Variants in RETREG1 observed in about 807,000 individuals in gnomAD.
RETREG1 encodes the protein family with sequence similarity 134 member B.
In RETREG1, 44 loss-of-function variants were observed where a neutral mutation model predicts 54.8. The observed-to-expected ratio is 0.80, with a 90% CI of 0.63 to 1.03. RETREG1 has a LOEUF of 1.03. Among genes scored for constraint, RETREG1 ranks in the 50% least tolerant of loss-of-function variants. The pLI, the probability that RETREG1 is intolerant of heterozygous loss-of-function variation, is 0.00. For missense variants in RETREG1, 554 were observed against 605.1 expected, an observed-to-expected ratio of 0.92 and a Z score of 0.89; for synonymous variants, 217 against 238.5, an observed-to-expected ratio of 0.91 and a Z score of 0.83.
chr5:16,477,193 TAAA>T (rs142032216), intron 8 of RETREG1, among the ~76,000 whole-genome samples: 2 of 152,134 alleles, frequency 1.3e-5, no homozygotes, highest in African/African-American at 2.4e-5. Context: ...TCATACTTTT[TAAA>T]AAACAGCTTT....
chr5:16,515,668 CA>C, intron 3 of RETREG1, among the ~76,000 whole-genome samples: 1 of 152,290 alleles, frequency 6.6e-6, no homozygotes, highest in South Asian at 2.1e-4. Flanking sequence ...CAAGTCAACG[CA>C]GCAAAGTACA....
chr5:16,616,978 CT>C lies in RETREG1; in HGVS notation c.-8del. ...GAGGCGCCGGGCTCGCCATCTTCAGCTGTGCTTCCAGACAGGGACGGGGCCG... is the reference window on the plus strand; with the variant it reads ...GAGGCGCCGGGCTCGCCATCTTCAGCGTGCTTCCAGACAGGGACGGGGCCG... On this transcript the variant is annotated 5_prime_UTR_variant, in exon 1 of 9. Transcript: ENST00000306320. The C allele has an allele frequency of 7.1e-7, 1 of 1,402,526 alleles. No individual in the cohort carries two copies. The highest frequency in any genetic ancestry group is 9.3e-7 in the Non-Finnish European group (1 of 1,080,350). 86.9% of individuals were successfully genotyped at this position (1,402,526 alleles called of 1,614,324 possible).
intron 3 of RETREG1, chr5:16,509,515 T>G (rs1386991748): frequency 6.6e-6 from 1 of 152,142 alleles, no homozygotes; most frequent in Non-Finnish European, 1.5e-5. Flanking sequence ...ATTTGCTTTT[T>G]TAAAAGAGTA....
intron 3 of RETREG1, among the ~76,000 whole-genome samples, chr5:16,512,096 C>CTTTCA (rs1268692696): frequency 4.6e-5 from 7 of 152,200 alleles, no homozygotes; most frequent in Non-Finnish European, 8.8e-5. Flanking sequence ...CAGATGGCAC[C>CTTTCA]TTTCACCCTG....
At chr5:16,595,164 G>A (rs1208246790) in intron 1 of RETREG1, among the ~76,000 whole-genome samples, 3 of 152,174 alleles carry the variant, frequency 2.0e-5, no homozygotes, top group Admixed American at 1.3e-4. Flanking sequence ...TCAGGATGGC[G>A]GTCATGCGCA....
chr5:16,497,462 T>C (rs1739507823), intron 3 of RETREG1, among the ~76,000 whole-genome samples: 1 of 152,224 alleles, frequency 6.6e-6, no homozygotes, highest in East Asian at 1.9e-4. Context: ...TCCTCTGATC[T>C]TAAAATATCC....
At chr5:16,504,276 TACC>T (rs768813925) in intron 3 of RETREG1, among the ~76,000 whole-genome samples, 220 of 152,370 alleles carry the variant, frequency 1.4e-3, no homozygotes, top group Middle Eastern at 0.01. Flanking sequence ...GGTGTATATG[TACC>T]ACATTTTCTT....
chr5:16,577,500 G>A (rs1035935541), intron 1 of RETREG1, among the ~76,000 whole-genome samples: 1 of 152,040 alleles, frequency 6.6e-6, no homozygotes, highest in Non-Finnish European at 1.5e-5. Flanking sequence ...CAGTTATAAC[G>A]AGAAACTTCC....
chr5:16,603,033 A>C (rs1196481129), intron 1 of RETREG1, among the ~76,000 whole-genome samples: 3 of 152,112 alleles, frequency 2.0e-5, no homozygotes, highest in South Asian at 2.1e-4. Context: ...CAAACAAACA[A>C]AACAGAATTT....
intron 1 of RETREG1, among the ~76,000 whole-genome samples, chr5:16,601,814 AT>A (rs1259615938): frequency 1.3e-5 from 2 of 152,234 alleles, no homozygotes; most frequent in Non-Finnish European, 1.5e-5. Context: ...ACAGAGGTCT[AT>A]CAGTTTGAAA....
chr5:16,515,988 G>A (rs1021893096), intron 3 of RETREG1, among the ~76,000 whole-genome samples: 12 of 151,286 alleles, frequency 7.9e-5, no homozygotes, highest in African/African-American at 2.9e-4. Flanking sequence ...ACTATCTTCA[G>A]TAGATTGTGT....
chr5:16,523,714 GAAT>G (rs1409684345), intron 3 of RETREG1, among the ~76,000 whole-genome samples: 3 of 152,124 alleles, frequency 2.0e-5, no homozygotes, highest in Non-Finnish European at 4.4e-5. Flanking sequence ...TCTAACTCCT[GAAT>G]GGGGGAGTAT....
chr5:16,486,011 T>C (rs1270761275), intron 3 of RETREG1, among the ~76,000 whole-genome samples: 1 of 152,156 alleles, frequency 6.6e-6, no homozygotes, highest in Non-Finnish European at 1.5e-5. Context: ...CTTAATTATA[T>C]TACATTTTTC....
chr5:16,537,429 G>A (rs932590320), intron 3 of RETREG1, among the ~76,000 whole-genome samples: 1 of 152,216 alleles, frequency 6.6e-6, no homozygotes, highest in African/African-American at 2.4e-5. Flanking sequence ...AGGGCACTGG[G>A]AGTGTGTGTA....
intron 1 of RETREG1, among the ~76,000 whole-genome samples, chr5:16,574,845 G>T (rs1361976738): frequency 6.6e-6 from 1 of 152,212 alleles, no homozygotes; most frequent in African/African-American, 2.4e-5. Flanking sequence ...AGACATAAAA[G>T]ACACAAGTTA....
In RETREG1 at chr5:16,565,749, AG is replaced by A; in HGVS notation, c.458+13del. 6.2e-7 allele frequency: 1 copy of A among 1,614,092 alleles called. No individual in the cohort carries two copies. The highest frequency in any genetic ancestry group is 8.5e-7 in the Non-Finnish European group (1 of 1,179,988). The stretch of plus-strand genomic sequence containing the variant: ...TCCCTCCATTAAGCACAACACGGAA[AG>A]AAAGTTCCCTACCTTTCACTGAGGC... On this transcript the variant is annotated intron_variant, in intron 3 of 8. Coordinates refer to ENST00000306320, the MANE Select transcript of RETREG1 (RefSeq NM_001034850.3).
chr5:16,573,945 C>T (rs1028531624), intron 1 of RETREG1, among the ~76,000 whole-genome samples: 1 of 152,086 alleles, frequency 6.6e-6, no homozygotes, highest in African/African-American at 2.4e-5. Context: ...CAGGGTTTCA[C>T]CGTGTTGGCC....
At chr5:16,605,750 C>T (rs1743171373) in intron 1 of RETREG1, among the ~76,000 whole-genome samples, 1 of 152,192 alleles carries the variant, frequency 6.6e-6, no homozygotes, top group African/African-American at 2.4e-5. Flanking sequence ...TGAGGGCTCA[C>T]TCTCTGCTTT....
In RETREG1 at chr5:16,593,147, G is replaced by C. The variant is rs745996295; in HGVS notation, c.321-21045C>G. 1.3e-5 allele frequency among the ~76,000 whole-genome samples: 2 copies of C among 152,226 alleles called. No individual in the cohort carries two copies. The highest frequency in any genetic ancestry group is 4.8e-5 in the African/African-American group (2 of 41,452). On this transcript the variant is annotated intron_variant, in intron 1 of 8. Coordinates refer to ENST00000306320, the MANE Select transcript of RETREG1 (RefSeq NM_001034850.3). The surrounding 1 kb of genome is among the most constrained non-coding windows in gnomAD (Gnocchi z 4.9). ...CCCCTGACTCACCATCCCATGCCCAGTGGTCACACTCAGCAAGGAAAACTC... is the reference window on the plus strand; with the variant it reads ...CCCCTGACTCACCATCCCATGCCCACTGGTCACACTCAGCAAGGAAAACTC...
Sources: allele counts gnomAD v4.1 joint callset (sites outside exome capture counted in the v4.1 genomes callset), GRCh38; gene constraint gnomAD v4.1.1; non-coding constraint Gnocchi (gnomAD v3.1); transcripts MANE v1.5; gene names NCBI Gene and HGNC (gene_info 2026-07-23, HGNC 2026-07-21).